NRG3: variants seen among roughly 807,000 people sequenced by gnomAD.
The protein encoded by NRG3 is neuregulin 3.
A neutral mutation model predicts 66.9 loss-of-function variants in NRG3; 31 were observed. The ratio of observed to expected loss-of-function variants is 0.46; its 90% confidence interval spans 0.35 to 0.63. The LOEUF is 0.63. Among genes scored for constraint, NRG3 ranks in the 20% least tolerant of loss-of-function variants. NRG3 has a pLI of 0.00. For missense variants in NRG3, 910 were observed against 878.9 expected, an observed-to-expected ratio of 1.04 and a Z score of -0.45; for synonymous variants, 393 against 359.4, an observed-to-expected ratio of 1.09 and a Z score of -1.06.
At chr10:82,060,705 C>T (rs894478019) in intron 1 of NRG3, among the ~76,000 whole-genome samples, 1 of 152,080 alleles carries the variant, frequency 6.6e-6, no homozygotes, top group Non-Finnish European at 1.5e-5. Context: ...GGATAATTCA[C>T]CTTGTTCTTT....
chr10:82,772,704 CT>C (rs745609399), intron 3 of NRG3, among the ~76,000 whole-genome samples: 1,274 of 111,658 alleles, frequency 0.011, 13 homozygotes, highest in African/African-American at 0.04. Flanking sequence ...GCTTCCATAT[CT>C]TTTTTTTTTT....
chr10:82,888,045 A>T (rs1273409907), intron 4 of NRG3, among the ~76,000 whole-genome samples: 2 of 152,188 alleles, frequency 1.3e-5, no homozygotes, highest in African/African-American at 2.4e-5. Context: ...AAAAATAGAA[A>T]CATATTATGG....
intron 2 of NRG3, among the ~76,000 whole-genome samples, chr10:82,466,225 C>T (rs1840663548): frequency 6.6e-6 from 1 of 152,044 alleles, no homozygotes; most frequent in Non-Finnish European, 1.5e-5. Context: ...TCTGACTGCC[C>T]TTGGAATAAC....
At chr10:82,626,739 T>C (rs547568158) in intron 2 of NRG3, among the ~76,000 whole-genome samples, 1 of 152,262 alleles carries the variant, frequency 6.6e-6, no homozygotes, top group Admixed American at 6.5e-5. Flanking sequence ...TCCCAAAATA[T>C]TGAATTTGAT....
At chr10:82,126,847 G>C (rs1028457644) in intron 1 of NRG3, among the ~76,000 whole-genome samples, 1 of 152,012 alleles carries the variant, frequency 6.6e-6, no homozygotes, top group Non-Finnish European at 1.5e-5. Context: ...GCAGCAAAGG[G>C]AGGCCTATTT....
At chr10:82,044,799 G>A (rs890826395) in intron 1 of NRG3, among the ~76,000 whole-genome samples, 10 of 152,022 alleles carry the variant, frequency 6.6e-5, no homozygotes, top group African/African-American at 2.4e-4. Flanking sequence ...TCCCACCTAT[G>A]AGTGAGAACA....
At chr10:82,359,507 T>A (rs1216394343) in intron 2 of NRG3, among the ~76,000 whole-genome samples, 8 of 152,202 alleles carry the variant, frequency 5.3e-5, no homozygotes, top group Non-Finnish European at 1.5e-5. Flanking sequence ...AATTGGTTTT[T>A]AGAGACATAA....
At chr10:82,329,181 T>A (rs1434691168) in intron 1 of NRG3, among the ~76,000 whole-genome samples, 1 of 152,176 alleles carries the variant, frequency 6.6e-6, no homozygotes, top group Non-Finnish European at 1.5e-5. Context: ...TTCTTTTCTC[T>A]TTGGCTTGTG....
chr10:82,237,056 C>A (rs1479385840), intron 1 of NRG3, among the ~76,000 whole-genome samples: 1 of 152,130 alleles, frequency 6.6e-6, no homozygotes, highest in Non-Finnish European at 1.5e-5. Flanking sequence ...CAGACAATGT[C>A]TTTTCAAAAA....
At chr10:82,898,722 T>C (rs1843909199) in intron 4 of NRG3, among the ~76,000 whole-genome samples, 4 of 127,024 alleles carry the variant, frequency 3.1e-5, no homozygotes, top group Admixed American at 3.1e-4. Flanking sequence ...TACCTTTTTT[T>C]TTTTTTTTTT....
At chr10:82,078,021 A>G (rs755061936) in intron 1 of NRG3, among the ~76,000 whole-genome samples, 1 of 152,174 alleles carries the variant, frequency 6.6e-6, no homozygotes, top group Non-Finnish European at 1.5e-5. Flanking sequence ...CCTTGGGACA[A>G]GGCATGGTGG....
intron 1 of NRG3, among the ~76,000 whole-genome samples, chr10:82,309,853 T>A (rs184185897): frequency 6.6e-6 from 1 of 152,222 alleles, no homozygotes; most frequent in Non-Finnish European, 1.5e-5. Context: ...CATCTGCCAA[T>A]GCAATTTCTC....
intron 1 of NRG3, among the ~76,000 whole-genome samples, chr10:81,979,042 A>C (rs961942442): frequency 6.6e-6 from 1 of 152,062 alleles, no homozygotes; most frequent in African/African-American, 2.4e-5. Flanking sequence ...TACAAAAATT[A>C]GCTGGGCGTA....
At chr10:82,304,705 T>A (rs1388342545) in intron 1 of NRG3, among the ~76,000 whole-genome samples, 2 of 152,146 alleles carry the variant, frequency 1.3e-5, no homozygotes, top group Non-Finnish European at 1.5e-5. Flanking sequence ...TAATATGAAT[T>A]CCCAGAGGAC....
At chr10:82,716,846 A>G (rs973423189) in intron 2 of NRG3, among the ~76,000 whole-genome samples, 2 of 152,240 alleles carry the variant, frequency 1.3e-5, no homozygotes, top group African/African-American at 4.8e-5. Context: ...CTAGTCTCCA[A>G]AATAAATTAT....
intron 2 of NRG3, among the ~76,000 whole-genome samples, chr10:82,564,476 T>G (rs2133049844): frequency 6.6e-6 from 1 of 152,246 alleles, no homozygotes; most frequent in Non-Finnish European, 1.5e-5. Flanking sequence ...GAGTTTCCAC[T>G]TACCTTGATC....
chr10:82,018,206 G>T (rs550663345), intron 1 of NRG3, among the ~76,000 whole-genome samples: 42 of 152,210 alleles, frequency 2.8e-4, no homozygotes, highest in African/African-American at 8.4e-4. Flanking sequence ...TTTCCCCATT[G>T]CTTGTTTTTG....
intron 1 of NRG3, among the ~76,000 whole-genome samples, chr10:81,886,981 T>G (rs915537425): frequency 2.0e-5 from 3 of 152,316 alleles, no homozygotes; most frequent in African/African-American, 7.2e-5. Flanking sequence ...TTGTATTATC[T>G]AAGTTTTAGT....
At chr10:82,224,382 A>G (rs1286257825) in intron 1 of NRG3, 37 of 152,188 alleles carry the variant, frequency 2.4e-4, no homozygotes, top group Non-Finnish European at 5.4e-4. Context: ...AAGTAAATAC[A>G]TATCATTTTA....
Sources: gnomAD v4.1 joint callset for allele counts (sites outside exome capture counted in the v4.1 genomes callset) on GRCh38, gnomAD v4.1.1 for gene constraint, MANE v1.5 for transcripts, NCBI Gene and HGNC (gene_info 2026-07-23, HGNC 2026-07-21) for gene names.